The following OPA1 variants were observed in gnomAD, a reference collection of about 807,000 sequenced individuals.
OPA1 encodes OPA1 mitochondrial dynamin like GTPase.
In OPA1, 59 loss-of-function variants were observed where a neutral mutation model predicts 152.9. The ratio of observed to expected loss-of-function variants is 0.39; its 90% confidence interval spans 0.31 to 0.48. The LOEUF (loss-of-function observed/expected upper bound fraction) is 0.48. OPA1 is among the 20% of genes least tolerant of loss of function. OPA1 has a pLI of 0.96. For missense variants in OPA1, 1,008 were observed against 1,216.8 expected, an observed-to-expected ratio of 0.83 and a Z score of 2.55; for synonymous variants, 400 against 389.9, an observed-to-expected ratio of 1.03 and a Z score of -0.31.
At chr3:193,690,605 G>T (rs946606048) in intron 29 of OPA1, among the ~76,000 whole-genome samples, 1 of 152,074 alleles carries the variant, frequency 6.6e-6, no homozygotes, top group African/African-American at 2.4e-5. Context: ...TTCCTGCAAT[G>T]CTAATAAGAA....
intron 1 of OPA1, among the ~76,000 whole-genome samples, chr3:193,609,436 G>A (rs1391539575): frequency 6.6e-6 from 1 of 152,112 alleles, no homozygotes; most frequent in Non-Finnish European, 1.5e-5. Flanking sequence ...TCCCTTTGTG[G>A]GTAACCTGAC....
At position 193,645,541 on chromosome 3, in the gene OPA1, T is replaced by C. The variant is rs1734448214; in HGVS notation, c.1609-12T>C. 2 of 1,606,798 alleles carry C rather than the reference T, an allele frequency of 1.2e-6. No individual in the cohort carries two copies. Among genetic ancestry groups the C allele is most frequent in the African/African-American group, 1.3e-5 (1 of 74,778 alleles). ...TATATCTCACATTAATTTTTCCCAC[T>C]TTTAAAAATAGATTCAGCAGATAAT... On this transcript the variant is annotated splice_polypyrimidine_tract_variant and intron_variant, in intron 16 of 30. Transcript: ENST00000361510.
Position 193,666,344 on chromosome 3 carries a change from G to A in OPA1, c.2827G>A (p.Ala943Thr). 2 of 1,614,166 alleles carry A rather than the reference G, an allele frequency of 1.2e-6. No individual in the cohort carries two copies. The highest frequency in any genetic ancestry group is 2.2e-5 in the East Asian group (1 of 44,874). The change falls in exon 28 of 31, where the codon GCT becomes ACT. Residue 943 changes from alanine to threonine, a missense_variant. Ala to Thr is a moderately conservative substitution (Grantham distance 58). Coordinates refer to ENST00000361510, the MANE Select transcript of OPA1 (RefSeq NM_130837.3). Reference protein sequence around the residue: ...VLFWRIQRMLAITANTLRQQL... With the variant: ...VLFWRIQRMLTITANTLRQQL... ...GTTTTGGCGTATACAGCGCATGCTT[G>A]CTATCACCGCAAATACTTTAAGGCA... is the stretch of plus-strand genomic sequence containing the variant.
At chr3:193,638,136 T>C (rs991948506) in intron 11 of OPA1, 71 bp downstream of exon 11, 11 of 1,066,614 alleles carry the variant, frequency 1.0e-5, no homozygotes, top group African/African-American at 1.5e-5. Context: ...GTTCATTGTG[T>C]TGAAATGAGG....
rs76208456 is a variant in OPA1, at chr3:193,677,439, G to A, written c.2983+10159G>A. ...GTTGGGAATAAACTTTATCTTAAGC[G>A]TTTTTATTTTTAAATTATGTTTTTG... On this transcript the variant is annotated intron_variant, in intron 29 of 30. Coordinates refer to ENST00000361510, the MANE Select transcript of OPA1 (RefSeq NM_130837.3). 7.6e-4 allele frequency among the ~76,000 whole-genome samples: 115 copies of A among 151,526 alleles called. 1 individual carries two copies. Among genetic ancestry groups the A allele is most frequent in the African/African-American group, 2.5e-3 (103 of 41,334 alleles).
chr3:193,681,646 A>G (rs1720152182), intron 29 of OPA1, among the ~76,000 whole-genome samples: 1 of 152,094 alleles, frequency 6.6e-6, no homozygotes, highest in Non-Finnish European at 1.5e-5. Flanking sequence ...TGTTGGCACT[A>G]TTTTCCCAAC....
At position 193,640,982 on chromosome 3, in the gene OPA1, G is replaced by C. The variant is rs1338182972; in HGVS notation, c.1150-1783G>C. Among the ~76,000 whole-genome samples the C allele has an allele frequency of 2.0e-5, 3 of 152,268 alleles. No homozygotes were observed. In the East Asian group the frequency reaches 5.8e-4, roughly 29 times the overall value. ...GTGTTATGTGTTACTAGTTCTGTGT[G>C]TGGTACTGTGTGACTGTACCAGACT... is the stretch of plus-strand genomic sequence containing the variant. On this transcript the variant is annotated intron_variant, in intron 11 of 30. Coordinates refer to ENST00000361510, the MANE Select transcript of OPA1 (RefSeq NM_130837.3).
chr3:193,637,179 T>G lies in OPA1; in HGVS notation c.949-16T>G. 1 of 1,473,800 alleles carries G rather than the reference T, an allele frequency of 6.8e-7. No homozygotes were observed. The highest frequency in any genetic ancestry group is 9.4e-7 in the Non-Finnish European group (1 of 1,063,994). 91.3% of individuals were successfully genotyped at this position (1,473,800 alleles called of 1,614,324 possible). On this transcript the variant is annotated splice_polypyrimidine_tract_variant and intron_variant, in intron 9 of 30. Coordinates refer to ENST00000361510, the MANE Select transcript of OPA1 (RefSeq NM_130837.3). The stretch of plus-strand genomic sequence containing the variant: ...CTTTTACTGTTTTATATTATAACTT[T>G]TTAAAATTTTTACAGAAATCTTTGA...
rs375377112 is a variant in OPA1 at position 193,638,080 on chromosome 3, C to T, written c.1149+15C>T. ...CTCCAGTTAAGGTAAGAACATAGGC[C>T]GTCTCAGTGAGGTTCCTTAGGAGAG... On this transcript the variant is annotated intron_variant, in intron 11 of 30. Transcript: ENST00000361510. The T allele has an allele frequency of 5.0e-5, 79 of 1,582,230 alleles. No individual in the cohort carries two copies. The highest frequency in any genetic ancestry group is 1.1e-4 in the East Asian group (5 of 44,724).
Position 193,643,569 on chromosome 3 carries a change from T to C in OPA1, c.1419T>C (p.Ile473=), listed in dbSNP as rs1220296823. ...SGMAPDTKET[I]FSISKAYMQN... is the part of the protein sequence containing the mutation. ...TGGCTCCTGACACAAAGGAAACTAT[T>C]TTCAGTATCAGCAAAGCTTACATGC... Residue 473 remains isoleucine (I), a synonymous_variant, in exon 15 of 31, where the codon ATT becomes ATC. Coordinates refer to ENST00000361510, the MANE Select transcript of OPA1 (RefSeq NM_130837.3). The C allele has an allele frequency of 6.2e-7, 1 of 1,613,934 alleles. No individual in the cohort carries two copies. Among genetic ancestry groups the C allele is most frequent in the Non-Finnish European group, 8.5e-7 (1 of 1,179,916 alleles).
intron 1 of OPA1, chr3:193,613,882 T>C (rs1294092783): frequency 5.8e-6 from 3 of 516,754 alleles, no homozygotes; most frequent in Non-Finnish European, 7.7e-6. Flanking sequence ...CCTGCCTCCT[T>C]CTTAAGAAGT....
chr3:193,625,765 A>C (rs140067897), intron 6 of OPA1, among the ~76,000 whole-genome samples: 1 of 151,722 alleles, frequency 6.6e-6, no homozygotes, highest in Non-Finnish European at 1.5e-5. Context: ...GACCAGTAAG[A>C]TCAACACTGT....
At chr3:193,685,161 G>A in intron 29 of OPA1, among the ~76,000 whole-genome samples, 1 of 151,986 alleles carries the variant, frequency 6.6e-6, no homozygotes, top group Non-Finnish European at 1.5e-5. Flanking sequence ...AATTGGCCAG[G>A]CATGGTGATG....
At position 193,657,248 on chromosome 3, in the gene OPA1, AC is replaced by A; in HGVS notation, c.2331+17del. On this transcript the variant is annotated intron_variant, in intron 23 of 30. Transcript: ENST00000361510. ...GGACAGCTTGGTATGTTGTTTGTAT[AC>A]TGGGGTATCAGCCTCATATTTTTAT... The A allele has an allele frequency of 6.2e-7, 1 of 1,613,184 alleles. No individual in the cohort carries two copies. Among genetic ancestry groups the A allele is most frequent in the South Asian group, 1.1e-5 (1 of 91,008 alleles).
chr3:193,662,190 G>A (rs922449749), intron 25 of OPA1, among the ~76,000 whole-genome samples: 2 of 152,160 alleles, frequency 1.3e-5, no homozygotes, highest in African/African-American at 4.8e-5. Context: ...AACATAACTA[G>A]TGTAGGTAAG....
At chr3:193,607,531 C>T (rs1468528548) in intron 1 of OPA1, among the ~76,000 whole-genome samples, 1 of 152,152 alleles carries the variant, frequency 6.6e-6, no homozygotes, top group African/African-American at 2.4e-5. Flanking sequence ...AATCGTTTCC[C>T]CGTTTCTTGT....
chr3:193,645,829 T>C (rs1734501861), intron 18 of OPA1, 29 bp downstream of exon 18: 1 of 1,518,230 alleles, frequency 6.6e-7, no homozygotes, highest in South Asian at 1.1e-5. Flanking sequence ...CATTTAAACA[T>C]TTTACAGTAA....
At chr3:193,659,641 G>T (rs1299292911) in intron 25 of OPA1, 80 bp downstream of exon 25, 2 of 1,061,078 alleles carry the variant, frequency 1.9e-6, no homozygotes, top group East Asian at 2.6e-5. Flanking sequence ...TAACCTTTTT[G>T]TGGCTCTAGA....
chr3:193,638,569 T>C (rs888935428), intron 11 of OPA1, among the ~76,000 whole-genome samples: 1 of 152,214 alleles, frequency 6.6e-6, no homozygotes, highest in African/African-American at 2.4e-5. Flanking sequence ...AATGTGAAAA[T>C]AAAATATAAA....
Sources: allele counts gnomAD v4.1 joint callset (sites outside exome capture counted in the v4.1 genomes callset), GRCh38; gene constraint gnomAD v4.1.1; transcripts MANE v1.5; gene names NCBI Gene and HGNC (gene_info 2026-07-23, HGNC 2026-07-21).